The following PRTFDC1 variants were observed in gnomAD, a reference collection of about 807,000 sequenced individuals.
PRTFDC1 encodes phosphoribosyltransferase domain-containing protein 1.
In PRTFDC1, 38 loss-of-function variants were observed where a neutral mutation model predicts 34.6. The observed-to-expected ratio is 1.10, with a 90% CI of 0.85 to 1.44. PRTFDC1 has a LOEUF of 1.44. Ranked by LOEUF, PRTFDC1 falls within the 40% of genes most tolerant of loss-of-function variation. The pLI is 0.00. For synonymous variants in PRTFDC1, 93 were observed against 98.1 expected, an observed-to-expected ratio of 0.95 and a Z score of 0.31; for missense variants, 270 against 283.0, an observed-to-expected ratio of 0.95 and a Z score of 0.33.
At chr10:24,882,542 C>T (rs949179999) in intron 3 of PRTFDC1, among the ~76,000 whole-genome samples, 3 of 152,224 alleles carry the variant, frequency 2.0e-5, no homozygotes, top group African/African-American at 7.2e-5. Flanking sequence ...CCACTTTAGC[C>T]ACAAAATGTT....
At chr10:24,878,259 C>T (rs950285117) in intron 3 of PRTFDC1, among the ~76,000 whole-genome samples, 4 of 150,186 alleles carry the variant, frequency 2.7e-5, no homozygotes, top group Non-Finnish European at 4.4e-5. Context: ...GGCAACAGAG[C>T]AAGACTGTAT....
intron 3 of PRTFDC1, among the ~76,000 whole-genome samples, chr10:24,922,256 C>T (rs952318384): frequency 1.3e-5 from 2 of 152,128 alleles, no homozygotes; most frequent in Non-Finnish European, 2.9e-5. Flanking sequence ...TTGCTGCCTG[C>T]AATTATTTTC....
intron 3 of PRTFDC1, among the ~76,000 whole-genome samples, chr10:24,916,091 C>T (rs1289477223): frequency 1.3e-5 from 2 of 152,136 alleles, no homozygotes; most frequent in East Asian, 1.9e-4. Context: ...TCAGTTTATA[C>T]ACTTGCTCAG....
intron 3 of PRTFDC1, among the ~76,000 whole-genome samples, chr10:24,914,915 T>C (rs1848673689): frequency 6.6e-6 from 1 of 152,180 alleles, no homozygotes; most frequent in African/African-American, 2.4e-5. Flanking sequence ...GGGCCTTCCA[T>C]ATGCCATCCA....
At chr10:24,915,435 A>G (rs972236336) in intron 3 of PRTFDC1, among the ~76,000 whole-genome samples, 2 of 152,084 alleles carry the variant, frequency 1.3e-5, no homozygotes, top group Non-Finnish European at 2.9e-5. Context: ...CATTTCTCAC[A>G]TTTGGCTTCC....
At position 24,916,724 on chromosome 10, in the gene PRTFDC1, A is replaced by G. The variant is rs1033722247; in HGVS notation, c.339+20460T>C. 2.6e-5 allele frequency among the ~76,000 whole-genome samples: 4 copies of G among 152,242 alleles called. No homozygotes were observed. The Middle Eastern group carries it at 0.014, about 518-fold the overall frequency. On this transcript the variant is annotated intron_variant, in intron 3 of 8. Coordinates refer to ENST00000320152, the MANE Select transcript of PRTFDC1 (RefSeq NM_020200.7). ...GCCTACTCTGTCTCTTTTTCTCCAC[A>G]GCATTTTCCACTTTTTGGCATATTT... is the stretch of plus-strand genomic sequence containing the variant.
chr10:24,863,006 T>C (rs1308227651), intron 4 of PRTFDC1, among the ~76,000 whole-genome samples: 1 of 152,150 alleles, frequency 6.6e-6, no homozygotes, highest in Non-Finnish European at 1.5e-5. Flanking sequence ...GCCTCCCAAG[T>C]AGCTGGGATT....
At chr10:24,930,530 C>T (rs1848954851) in intron 3 of PRTFDC1, among the ~76,000 whole-genome samples, 1 of 152,064 alleles carries the variant, frequency 6.6e-6, no homozygotes, top group Non-Finnish European at 1.5e-5. Flanking sequence ...AAATAAAGCT[C>T]AAGAAAAAAT....
intron 1 of PRTFDC1, among the ~76,000 whole-genome samples, chr10:24,942,734 G>A (rs1286387454): frequency 6.6e-6 from 1 of 152,184 alleles, no homozygotes; most frequent in Admixed American, 6.5e-5. Context: ...TGCAACCTCT[G>A]CTTCCCAGGT....
At chr10:24,875,568 G>T (rs1847948631) in intron 3 of PRTFDC1, among the ~76,000 whole-genome samples, 1 of 151,978 alleles carries the variant, frequency 6.6e-6, no homozygotes, top group Non-Finnish European at 1.5e-5. Flanking sequence ...GTATATACAT[G>T]TTTTTAATAC....
At chr10:24,851,580 G>T in intron 7 of PRTFDC1, 116 bp from the exon 8 acceptor site, 1 of 1,455,952 alleles carries the variant, frequency 6.9e-7, no homozygotes, top group Non-Finnish European at 9.1e-7. Context: ...TGAGGCAGGA[G>T]GGAGTGAGAA....
chr10:24,871,574 T>TC (rs540117503), intron 4 of PRTFDC1, among the ~76,000 whole-genome samples: 1 of 150,372 alleles, frequency 6.7e-6, no homozygotes, highest in African/African-American at 2.5e-5. Context: ...TTCTCTTCCC[T>TC]CCCCAGATTT....
intron 3 of PRTFDC1, among the ~76,000 whole-genome samples, chr10:24,915,191 A>C (rs1281294407): frequency 1.3e-5 from 2 of 152,164 alleles, no homozygotes; most frequent in Non-Finnish European, 2.9e-5. Flanking sequence ...TGGTATCAAA[A>C]ATTAGCATGT....
At chr10:24,918,552 A>T (rs1848731612) in intron 3 of PRTFDC1, among the ~76,000 whole-genome samples, 1 of 151,842 alleles carries the variant, frequency 6.6e-6, no homozygotes, top group Non-Finnish European at 1.5e-5. Context: ...AAGGGCTGTG[A>T]CTACAGATGC....
chr10:24,923,877 C>G (rs1199580835), intron 3 of PRTFDC1, among the ~76,000 whole-genome samples: 1 of 152,150 alleles, frequency 6.6e-6, no homozygotes, highest in East Asian at 1.9e-4. Flanking sequence ...CATGTTCTAA[C>G]TCATCGCAAG....
intron 3 of PRTFDC1, among the ~76,000 whole-genome samples, chr10:24,877,715 A>G (rs1157021299): frequency 6.6e-6 from 1 of 152,088 alleles, no homozygotes; most frequent in Non-Finnish European, 1.5e-5. Context: ...CCACCTCCCC[A>G]GTTCAAGCGA....
At chr10:24,951,396 A>G (rs573696196) in intron 1 of PRTFDC1, among the ~76,000 whole-genome samples, 1 of 152,238 alleles carries the variant, frequency 6.6e-6, no homozygotes, top group South Asian at 2.1e-4. Flanking sequence ...AGCACCTCCT[A>G]CAACCCAGCA....
chr10:24,910,274 G>T (rs1279954031), intron 3 of PRTFDC1, among the ~76,000 whole-genome samples: 3 of 152,158 alleles, frequency 2.0e-5, no homozygotes, highest in Non-Finnish European at 4.4e-5. Context: ...AGAACTAGGG[G>T]AAGAAGACAG....
At chr10:24,913,424 T>C (rs1848655751) in intron 3 of PRTFDC1, among the ~76,000 whole-genome samples, 2 of 152,200 alleles carry the variant, frequency 1.3e-5, no homozygotes, top group Admixed American at 6.5e-5. Flanking sequence ...AAGTTCTCTA[T>C]TGGGTATTAG....
Sources: allele counts gnomAD v4.1 joint callset (sites outside exome capture counted in the v4.1 genomes callset), GRCh38; gene constraint gnomAD v4.1.1; transcripts MANE v1.5; gene names NCBI Gene and HGNC (gene_info 2026-07-23, HGNC 2026-07-21).